FNTB: variants seen among roughly 807,000 people sequenced by gnomAD.
The protein encoded by FNTB is farnesyltransferase, CAAX box, subunit beta.
FNTB carries 27 observed loss-of-function variants against 59.4 expected under a neutral mutation model. The ratio of observed to expected loss-of-function variants is 0.45; its 90% CI spans 0.34 to 0.63. The LOEUF (loss-of-function observed/expected upper bound fraction) is 0.63. FNTB is among the 20% of genes least tolerant of loss of function. The pLI is 0.02. For missense variants in FNTB, 449 were observed against 559.6 expected (o/e 0.80, Z 1.99); for synonymous variants, 230 against 220.7 (o/e 1.04, Z -0.37).
At chr14:65,026,035 C>T (rs2061973638) in intron 4 of FNTB, among the ~76,000 whole-genome samples, 1 of 152,174 alleles carries the variant, frequency 6.6e-6, no homozygotes, top group Non-Finnish European at 1.5e-5. Flanking sequence ...GTGATGTTGG[C>T]AAACAGTTAT....
At chr14:65,048,996 C>T (rs754907368) in intron 9 of FNTB, among the ~76,000 whole-genome samples, 1 of 151,600 alleles carries the variant, frequency 6.6e-6, no homozygotes, top group Non-Finnish European at 1.5e-5. Context: ...CATGGTGCCA[C>T]GTTGCCTGTA....
In FNTB at chr14:65,040,969, GTGAT is replaced by G. The variant is rs779620216; in HGVS notation, c.822+53_822+56del. 36 of 1,600,558 alleles carry G rather than the reference GTGAT, an allele frequency of 2.2e-5. No individual in the cohort carries two copies. The Admixed American group carries it at 5.7e-4, about 25-fold the overall frequency. ...CTCTCAGGCCCCAGGTCATGGTGAT[GTGAT>G]TGTACTCAGACATGCAGGCTTCAGG... On this transcript the variant is annotated intron_variant, in intron 8 of 11. Transcript: ENST00000246166.
At chr14:65,053,939 A>C (rs977037368) in intron 10 of FNTB, among the ~76,000 whole-genome samples, 2 of 152,184 alleles carry the variant, frequency 1.3e-5, no homozygotes, top group African/African-American at 4.8e-5. Flanking sequence ...TTTCTAGAGA[A>C]GTGTATCAAT....
chr14:65,020,733 C>T (rs1480007950), intron 4 of FNTB, among the ~76,000 whole-genome samples: 3 of 123,336 alleles, frequency 2.4e-5, no homozygotes, highest in Non-Finnish European at 3.3e-5. Context: ...CGCGCCCGGC[C>T]TTTTTTTTTT....
Position 65,061,216 on chromosome 14 carries a change from C to A in FNTB, c.1218C>A (p.Asp406Glu). 6.2e-7 allele frequency: 1 copy of A among 1,614,160 alleles called. No individual in the cohort carries two copies. The highest frequency in any genetic ancestry group is 8.5e-7 in the Non-Finnish European group (1 of 1,180,032). The change falls in exon 12 of 12, where the codon GAC (aspartate) becomes GAA (glutamate). Residue 406 changes from aspartate (D) to glutamate (E), a missense_variant. Transcript: ENST00000246166. Reference sequence around the variant, plus strand: ...ACCCAGTGTACAACATTGGACCAGACAAGGTGATCCAGGCCACTACATACT... The same window carrying A: ...ACCCAGTGTACAACATTGGACCAGAAAAGGTGATCCAGGCCACTACATACT... ...PTHPVYNIGP[D>E]KVIQATTYFL...
rs146496267 is a variant in FNTB, at chr14:65,056,208, T to C, written c.1182+1519T>C. Among the ~76,000 whole-genome samples, 488 of 152,354 alleles carry C rather than the reference T, an allele frequency of 3.2e-3. 3 individuals are homozygous for C. The highest frequency in any genetic ancestry group is 0.011 in the African/African-American group (470 of 41,576). ...GCTTTTTCCACTTGCCATTGTATTT[T>C]TGAGGTTTATCTGTGTTCACATGTG... On this transcript the variant is annotated intron_variant, in intron 11 of 11. Coordinates refer to ENST00000246166, the MANE Select transcript of FNTB (RefSeq NM_002028.4).
chr14:65,019,065 C>T (rs1467598565), intron 4 of FNTB, among the ~76,000 whole-genome samples: 1 of 152,038 alleles, frequency 6.6e-6, no homozygotes, highest in East Asian at 1.9e-4. Flanking sequence ...GGCTCCTACT[C>T]AGGAGGCTGA....
At chr14:65,015,801 T>C in intron 4 of FNTB, 85 bp downstream of exon 4, 1 of 1,503,700 alleles carries the variant, frequency 6.7e-7, no homozygotes, top group Admixed American at 1.8e-5. Context: ...TTTTGTTTGT[T>C]TGGAATGGAA....
Position 65,027,448 on chromosome 14 carries a change from C to CCTAG in FNTB, c.375-4_375-1dup. The CCTAG allele has an allele frequency of 6.2e-7, 1 of 1,614,026 alleles. No homozygotes were observed. On this transcript the variant is annotated splice_polypyrimidine_tract_variant and splice_region_variant and intron_variant, in intron 4 of 11. Coordinates refer to ENST00000246166, the MANE Select transcript of FNTB (RefSeq NM_002028.4). This position sits in a 1 kb window ranked among gnomAD's most constrained non-coding sequence, Gnocchi z 5.7. ...TTTGTTTTTGCCCTTTGGCTGTGTA[C>CCTAG]CTAGTGTGTGTCAGTTCCTGGAGCT...
At chr14:65,042,816 G>A (rs1178223741) in intron 8 of FNTB, among the ~76,000 whole-genome samples, 2 of 152,192 alleles carry the variant, frequency 1.3e-5, no homozygotes, top group Admixed American at 6.5e-5. Context: ...CCACTGCAGC[G>A]CCTGCTTTCT....
chr14:65,053,409 A>C, intron 10 of FNTB, 60 bp downstream of exon 10: 1 of 1,270,222 alleles, frequency 7.9e-7, no homozygotes, highest in Non-Finnish European at 1.0e-6. Flanking sequence ...AGGGGCGTGC[A>C]CCTCAGGCCT....
chr14:65,040,852 C>A lies in FNTB; in HGVS notation c.755C>A (p.Thr252Asn). The change falls in exon 8 of 12, where the codon ACC (threonine) becomes AAC (asparagine). Residue 252 changes from threonine to asparagine, a missense_variant. Physicochemically the swap from Thr to Asn is moderately conservative, Grantham distance 65. Coordinates refer to ENST00000246166, the MANE Select transcript of FNTB (RefSeq NM_002028.4). ...VPGMEAHGGY[T>N]FCGLAALVIL... is the part of the protein sequence containing the mutation. Reference sequence around the variant, plus strand: ...GGGATGGAAGCCCATGGTGGCTATACCTTCTGTGGCCTGGCCGCGCTGGTA... The same window carrying A: ...GGGATGGAAGCCCATGGTGGCTATAACTTCTGTGGCCTGGCCGCGCTGGTA... The A allele has an allele frequency of 6.2e-7, 1 of 1,613,924 alleles. No individual in the cohort carries two copies. Among genetic ancestry groups the A allele is most frequent in the Non-Finnish European group, 8.5e-7 (1 of 1,179,940 alleles).
chr14:65,060,870 C>CAAAA (rs58241887), intron 11 of FNTB, among the ~76,000 whole-genome samples: 11 of 79,586 alleles, frequency 1.4e-4, no homozygotes, highest in Middle Eastern at 7.8e-3. Flanking sequence ...AAGACTCTCT[C>CAAAA]AAAAAAAAAA....
chr14:65,027,953 C>G lies in FNTB; in HGVS notation c.605+172C>G, dbSNP rs2062013979. Among the ~76,000 whole-genome samples the G allele has an allele frequency of 6.6e-6, 1 of 152,140 alleles. No homozygotes were observed. The highest frequency in any genetic ancestry group is 2.4e-5 in the African/African-American group (1 of 41,418). On this transcript the variant is annotated intron_variant, in intron 6 of 11. Coordinates refer to ENST00000246166, the MANE Select transcript of FNTB (RefSeq NM_002028.4). The surrounding 1 kb of genome is among the most constrained non-coding windows in gnomAD (Gnocchi z 5.7). ...ATCATTCAGATGTGATGCAGATGTC[C>G]TCAGGTGTCATGATCACTTGACTTA...
chr14:65,000,038 T>C (rs2139469117), intron 1 of FNTB, among the ~76,000 whole-genome samples: 1 of 152,344 alleles, frequency 6.6e-6, no homozygotes, highest in East Asian at 1.9e-4. Flanking sequence ...AAGATGGGAC[T>C]TCTGATTAAG....
rs148465742 is a variant in FNTB at position 65,004,111 on chromosome 14, C to T, written c.145-138C>T. 249 of 789,180 alleles carry T rather than the reference C, an allele frequency of 3.2e-4. No individual in the cohort carries two copies. In the African/African-American group the frequency reaches 4.0e-3, roughly 13 times the overall value. 48.9% of individuals were successfully genotyped at this position (789,180 alleles called of 1,614,324 possible). The stretch of plus-strand genomic sequence containing the variant: ...TCCTAAGCCTGTCATCCTGCAGAAC[C>T]CATCTTACAGTACTGTGAAGTTCCA... On this transcript the variant is annotated intron_variant, in intron 1 of 11. Transcript: ENST00000246166.
rs1173178236 is a variant in FNTB at position 64,994,883 on chromosome 14, A to G, written c.144+7786A>G. ...TATTCATACGCTTTTTTCTTTCAAT[A>G]ATAAATTAAACCTAGCTTACTGTAA... On this transcript the variant is annotated intron_variant, in intron 1 of 11. Transcript: ENST00000246166. This position sits in a 1 kb window ranked among gnomAD's most constrained non-coding sequence, Gnocchi z 4.2. 6.6e-6 allele frequency among the ~76,000 whole-genome samples: 1 copy of G among 152,224 alleles called. No individual in the cohort carries two copies. Among genetic ancestry groups the G allele is most frequent in the Non-Finnish European group, 1.5e-5 (1 of 68,036 alleles).
chr14:65,040,604 CTT>C (rs35890649), intron 7 of FNTB, among the ~76,000 whole-genome samples, 184 bp from the exon 8 acceptor site: 25 of 117,304 alleles, frequency 2.1e-4, no homozygotes, highest in Admixed American at 4.6e-4. Flanking sequence ...CCAGGCCCAG[CTT>C]TTTTTTTTTT....
At chr14:65,000,815 CAAA>C (rs59420832) in intron 1 of FNTB, among the ~76,000 whole-genome samples, 392 of 36,400 alleles carry the variant, frequency 0.011, 1 homozygote, top group South Asian at 0.059. Flanking sequence ...GACTCCGTCT[CAAA>C]AAAAAAAAAA....
Sources: allele counts gnomAD v4.1 joint callset (sites outside exome capture counted in the v4.1 genomes callset), GRCh38; gene constraint gnomAD v4.1.1; non-coding constraint Gnocchi (gnomAD v3.1); transcripts MANE v1.5; gene names NCBI Gene and HGNC (gene_info 2026-07-23, HGNC 2026-07-21).